Variants in CLN6 observed in about 807,000 individuals in gnomAD.
CLN6 encodes CLN6 transmembrane ER protein.
CLN6 carries 22 observed loss-of-function variants against 33.3 expected under a neutral mutation model. The ratio of observed to expected loss-of-function variants is 0.66; its 90% confidence interval spans 0.47 to 0.94. The LOEUF (loss-of-function observed/expected upper bound fraction) is 0.94, where lower values mean the gene tolerates loss of function less well. Among genes scored for constraint, CLN6 ranks in the 40% least tolerant of loss-of-function variants. The pLI is 0.00. For synonymous variants in CLN6, 201 were observed against 174.6 expected (o/e 1.15, Z -1.19); for missense variants, 387 against 417.1 (o/e 0.93, Z 0.63).
intron 1 of CLN6, among the ~76,000 whole-genome samples, chr15:68,253,259 A>G (rs552792817): frequency 2.8e-4 from 43 of 152,224 alleles, no homozygotes; most frequent in Non-Finnish European, 5.1e-4. Context: ...TAAATGCACA[A>G]CCACAGCATC....
chr15:68,250,604 G>C (rs887709176), intron 1 of CLN6, among the ~76,000 whole-genome samples: 1 of 135,436 alleles, frequency 7.4e-6, no homozygotes, highest in South Asian at 2.3e-4. Context: ...CAGCCTGGGC[G>C]ACAGAGCGAG....
At position 68,220,381 on chromosome 15, in the gene CLN6, A is replaced by G. The variant is rs1489812796; in HGVS notation, c.84-1731T>C. On this transcript the variant is annotated intron_variant, in intron 1 of 6. Coordinates refer to ENST00000249806, the MANE Select transcript of CLN6 (RefSeq NM_017882.3). This position sits in a 1 kb window ranked among gnomAD's most constrained non-coding sequence, Gnocchi z 4.2. The stretch of plus-strand genomic sequence containing the variant: ...CGTGTAGTAAGGAGCTGTGGCAACA[A>G]TTCCTTTTGTCAGCCTATTTCCCAC... 1.3e-5 allele frequency among the ~76,000 whole-genome samples: 2 copies of G among 152,184 alleles called. No homozygotes were observed. Among genetic ancestry groups the G allele is most frequent in the Non-Finnish European group, 2.9e-5 (2 of 68,030 alleles).
rs1468522608 is a variant in CLN6 at position 68,256,970 on chromosome 15, C to T, written c.-102G>A. 4 of 585,282 alleles carry T rather than the reference C, an allele frequency of 6.8e-6. No individual in the cohort carries two copies. The highest frequency in any genetic ancestry group is 5.6e-5 in the African/African-American group (3 of 53,640). The allele number at this position is 585,282 out of a possible 1,614,324, so 36.3% of individuals were successfully genotyped here. On this transcript the variant is annotated 5_prime_UTR_variant, in exon 1 of 7. Coordinates refer to the CLN6 transcript ENST00000538696. This position sits in a 1 kb window ranked among gnomAD's most constrained non-coding sequence, Gnocchi z 4.1. Reference sequence around the variant, plus strand: ...TGTAGTGATGGTCACGCATCCCTTCCCTGGGCTTCTCCGGCACACCTGTAT... The same window carrying T: ...TGTAGTGATGGTCACGCATCCCTTCTCTGGGCTTCTCCGGCACACCTGTAT...
upstream of CLN6, chr15:68,229,762 A>AGCGGAGGGAGGCGGG (rs1555440251): frequency 1.5e-4 from 7 of 46,410 alleles, no homozygotes; most frequent in Admixed American, 3.5e-4. Context: ...GGCGGAGCGG[A>AGCGGAGGGAGGCGGG]GCGGAGCGGA....
Position 68,256,856 on chromosome 15 carries a change from C to A in CLN6, c.13G>T (p.Ala5Ser), listed in dbSNP as rs1469327183. Residue 5 changes from alanine to serine, a missense_variant, in exon 1 of 7, where the codon GCC becomes TCC. By Grantham distance (99) the Ala-to-Ser change is moderately conservative. Coordinates refer to the CLN6 transcript ENST00000538696. This position sits in a 1 kb window ranked among gnomAD's most constrained non-coding sequence, Gnocchi z 4.1. ...CCTCTCGCTCGCCGCTCCTTCCCGG[C>A]AACGGCTGCCATTTTCCGCCCAGGC... The A allele has an allele frequency of 2.9e-6, 2 of 680,974 alleles. No individual in the cohort carries two copies. Among genetic ancestry groups the A allele is most frequent in the South Asian group, 1.5e-5 (1 of 66,496 alleles). The allele number at this position is 680,974 out of a possible 1,614,324, so 42.2% of individuals were successfully genotyped here.
At position 68,208,016 on chromosome 15, in the gene CLN6, G is replaced by T; in HGVS notation, c.*124C>A. The T allele has an allele frequency of 9.8e-7, 1 of 1,022,396 alleles. No homozygotes were observed. Among genetic ancestry groups the T allele is most frequent in the Non-Finnish European group, 1.5e-6 (1 of 682,076 alleles). The allele number at this position is 1,022,396 out of a possible 1,614,324, so 63.3% of individuals were successfully genotyped here. A position where few individuals can be genotyped will look rare whatever the true frequency, so the allele number is the denominator to read the frequency against. On this transcript the variant is annotated 3_prime_UTR_variant, in exon 7 of 7. Coordinates refer to ENST00000249806, the MANE Select transcript of CLN6 (RefSeq NM_017882.3). The surrounding 1 kb of genome is among the most constrained non-coding windows in gnomAD (Gnocchi z 5.8). ...CACACACACGAATCCACGCACACGA[G>T]GCACACCCCACTCATGCTCTCGGTC...
rs185601303 is a variant in CLN6, at chr15:68,211,920, C to T, written c.298-57G>A. The T allele has an allele frequency of 2.0e-6, 3 of 1,512,272 alleles. No individual in the cohort carries two copies. Among genetic ancestry groups the T allele is most frequent in the African/African-American group, 1.4e-5 (1 of 73,106 alleles). The allele number at this position is 1,512,272 out of a possible 1,614,324, so 93.7% of individuals were successfully genotyped here. On this transcript the variant is annotated intron_variant, in intron 3 of 6. Transcript: ENST00000249806. The surrounding 1 kb of genome is among the most constrained non-coding windows in gnomAD (Gnocchi z 5.9). ...CCCACCTCTGTCACAGTATGTGACA[C>T]CCTCTGCTTCCCCCCTCACACCTGG...
intron 3 of CLN6, chr15:68,214,013 T>C: frequency 2.5e-6 from 1 of 406,586 alleles, no homozygotes; most frequent in Non-Finnish European, 4.7e-6. Context: ...CTTTAGGTCC[T>C]TCTACCTGAA....
intron 2 of CLN6, among the ~76,000 whole-genome samples, chr15:68,217,915 ACCT>A: frequency 3.9e-4 from 1 of 2,552 alleles, no homozygotes; most frequent in Non-Finnish European, 5.3e-3. Context: ...CTACCTACCT[ACCT>A]ATCTATCTTC....
At chr15:68,225,176 TGA>T (rs969622572) in intron 1 of CLN6, among the ~76,000 whole-genome samples, 4 of 150,376 alleles carry the variant, frequency 2.7e-5, no homozygotes, top group African/African-American at 9.8e-5. Context: ...GCAAATATAA[TGA>T]GAGAATAAAG....
intron 1 of CLN6, among the ~76,000 whole-genome samples, chr15:68,252,205 C>T (rs1892388653): frequency 6.6e-6 from 1 of 152,060 alleles, no homozygotes; most frequent in South Asian, 2.1e-4. Context: ...AACTCCCAAC[C>T]TCAGGTTATC....
intron 1 of CLN6, among the ~76,000 whole-genome samples, chr15:68,248,140 T>C (rs1050735861): frequency 7.9e-5 from 12 of 151,514 alleles, no homozygotes; most frequent in African/African-American, 2.7e-4. Flanking sequence ...AACAGACACA[T>C]AGACTAATGG....
chr15:68,249,184 A>C (rs918874713), intron 1 of CLN6, among the ~76,000 whole-genome samples: 2 of 152,224 alleles, frequency 1.3e-5, no homozygotes, highest in Non-Finnish European at 2.9e-5. Context: ...GAGGCTGGTA[A>C]GGATGTGGAG....
At chr15:68,243,532 A>G (rs1892297052) in intron 1 of CLN6, among the ~76,000 whole-genome samples, 1 of 152,118 alleles carries the variant, frequency 6.6e-6, no homozygotes, top group South Asian at 2.1e-4. Flanking sequence ...AGGTGGGTGG[A>G]TCACCTGAGG....
At chr15:68,239,466 A>G (rs1892262600) in intron 1 of CLN6, among the ~76,000 whole-genome samples, 1 of 152,130 alleles carries the variant, frequency 6.6e-6, no homozygotes, top group African/African-American at 2.4e-5. Context: ...GTTAAAAGAA[A>G]GTTGGTGTAA....
rs1353324046 is a variant in CLN6 at position 68,229,601 on chromosome 15, C to A, written c.-17G>T. 1.4e-6 allele frequency: 2 copies of A among 1,455,016 alleles called. No individual in the cohort carries two copies. Among genetic ancestry groups the A allele is most frequent in the Non-Finnish European group, 1.8e-6 (2 of 1,106,830 alleles). The allele number at this position is 1,455,016 out of a possible 1,614,324, so 90.1% of individuals were successfully genotyped here. A position where few individuals can be genotyped will look rare whatever the true frequency, so the allele number is the denominator to read the frequency against. On this transcript the variant is annotated 5_prime_UTR_variant, in exon 1 of 7. Coordinates refer to ENST00000249806, the MANE Select transcript of CLN6 (RefSeq NM_017882.3). Reference sequence around the variant, plus strand: ...CGCCTCCATGGCTGCCCCGCAGGCCCCTCGGCCCTGCCTTTCCGAGGAAGA... The same window carrying A: ...CGCCTCCATGGCTGCCCCGCAGGCCACTCGGCCCTGCCTTTCCGAGGAAGA...
chr15:68,223,470 G>A (rs28620019), intron 1 of CLN6, among the ~76,000 whole-genome samples: 1 of 152,198 alleles, frequency 6.6e-6, no homozygotes, highest in Non-Finnish European at 1.5e-5. Flanking sequence ...AAAAAGCAGA[G>A]AGTGATAACC....
In CLN6 at chr15:68,207,859, C is replaced by T. The variant is rs765873421; in HGVS notation, c.*281G>A. The T allele has an allele frequency of 8.3e-6, 4 of 483,188 alleles. No individual in the cohort carries two copies. Among genetic ancestry groups the T allele is most frequent in the African/African-American group, 3.9e-5 (2 of 51,122 alleles). 29.9% of individuals were successfully genotyped at this position (483,188 alleles called of 1,614,324 possible). On this transcript the variant is annotated 3_prime_UTR_variant, in exon 7 of 7. Coordinates refer to ENST00000249806, the MANE Select transcript of CLN6 (RefSeq NM_017882.3). The stretch of plus-strand genomic sequence containing the variant: ...TCAGGTGCAGAGGAGGGCAGGGGCC[C>T]GGATCCTGGCCCAGAAACACTCTAA...
At chr15:68,249,645 T>C (rs1438598192) in intron 1 of CLN6, among the ~76,000 whole-genome samples, 1 of 152,054 alleles carries the variant, frequency 6.6e-6, no homozygotes, top group Non-Finnish European at 1.5e-5. Flanking sequence ...AGAGAGTAGA[T>C]TGACAGTAAG....
Sources: allele counts gnomAD v4.1 joint callset (sites outside exome capture counted in the v4.1 genomes callset), GRCh38; gene constraint gnomAD v4.1.1; non-coding constraint Gnocchi (gnomAD v3.1); transcripts MANE v1.5; gene names NCBI Gene and HGNC (gene_info 2026-07-23, HGNC 2026-07-21).